TXNRD1: variants seen among roughly 807,000 people sequenced by gnomAD.
TXNRD1 encodes the protein thioredoxin reductase 1, cytoplasmic.
TXNRD1 carries 57 observed loss-of-function variants against 80.3 expected under a neutral mutation model. The ratio of observed to expected loss-of-function variants is 0.71; its 90% CI spans 0.57 to 0.89. The LOEUF (loss-of-function observed/expected upper bound fraction) is 0.89. Among genes scored for constraint, TXNRD1 ranks in the 40% least tolerant of loss-of-function variants. The pLI is 0.00. For missense variants in TXNRD1, 730 were observed against 803.0 expected (o/e 0.91, Z 1.10); for synonymous variants, 291 against 285.2 (o/e 1.02, Z -0.20).
intron 3 of TXNRD1, among the ~76,000 whole-genome samples, chr12:104,272,653 G>A (rs1009332349): frequency 2.0e-5 from 3 of 151,984 alleles, no homozygotes; most frequent in East Asian, 1.9e-4. Flanking sequence ...TTAGCTGGGC[G>A]TGGTGGCGGG....
At chr12:104,267,156 A>C (rs2033510783) in intron 3 of TXNRD1, among the ~76,000 whole-genome samples, 1 of 101,536 alleles carries the variant, frequency 9.8e-6, no homozygotes, top group African/African-American at 4.0e-5. Context: ...ACAGAGTGAG[A>C]CTCCCTCTCA....
chr12:104,246,882 T>C (rs1461000714), intron 1 of TXNRD1, among the ~76,000 whole-genome samples: 3 of 152,118 alleles, frequency 2.0e-5, no homozygotes, highest in Admixed American at 2.0e-4. Context: ...GTCTATCTAA[T>C]CTCTTTTACT....
chr12:104,315,752 A>C, intron 6 of TXNRD1, 25 bp from the exon 7 acceptor site: 1 of 1,604,344 alleles, frequency 6.2e-7, no homozygotes, highest in Non-Finnish European at 8.5e-7. Context: ...GCAGGTTATA[A>C]ACTGATTTCT....
At chr12:104,309,967 G>A (rs1055857017) in intron 4 of TXNRD1, 34 of 1,531,928 alleles carry the variant, frequency 2.2e-5, no homozygotes, top group Non-Finnish European at 2.8e-5. Context: ...ACAGTGCTGT[G>A]CTTCCTCCTT....
intron 1 of TXNRD1, among the ~76,000 whole-genome samples, chr12:104,239,194 ATTTT>A (rs34563849): frequency 7.2e-6 from 1 of 139,300 alleles, no homozygotes. Context: ...CTTTGTGGGA[ATTTT>A]TTTTTTTTTT....
chr12:104,287,036 C>G (rs998911863), intron 3 of TXNRD1: 1 of 1,387,168 alleles, frequency 7.2e-7, no homozygotes, highest in Non-Finnish European at 9.3e-7. Flanking sequence ...TTCTTCACTC[C>G]GGCATTTGCA....
Position 104,295,996 on chromosome 12 carries a change from G to A in TXNRD1, c.414+6956G>A, listed in dbSNP as rs568836828. Among the ~76,000 whole-genome samples the A allele has an allele frequency of 4.6e-5, 7 of 152,330 alleles. 1 individual carries two copies. Among genetic ancestry groups the A allele is most frequent in the African/African-American group, 1.4e-4 (6 of 41,564 alleles). ...GTGATTAAATCCCCACAACAGTCCT[G>A]TGAAGGAGGTGATATTATCCAGGTT... On this transcript the variant is annotated intron_variant, in intron 4 of 16. Transcript: ENST00000525566.
intron 4 of TXNRD1, among the ~76,000 whole-genome samples, chr12:104,296,538 A>C (rs565034966): frequency 2.0e-5 from 3 of 152,174 alleles, no homozygotes; most frequent in Non-Finnish European, 4.4e-5. Context: ...CCGCCTGAGT[A>C]TCTGGGAATA....
chr12:104,347,885 C>T (rs2135905805), intron 16 of TXNRD1, among the ~76,000 whole-genome samples: 1 of 151,844 alleles, frequency 6.6e-6, no homozygotes, highest in South Asian at 2.1e-4. Flanking sequence ...TTGCCATTTG[C>T]AGGTAAAGCT....
chr12:104,339,412 A>G (rs1018514927), intron 16 of TXNRD1, 139 bp downstream of exon 16: 2 of 1,254,870 alleles, frequency 1.6e-6, no homozygotes. Context: ...TCTAAAAATT[A>G]GTTTTTGTCT....
chr12:104,234,704 T>C (rs1201179324), intron 1 of TXNRD1, among the ~76,000 whole-genome samples: 1 of 148,678 alleles, frequency 6.7e-6, no homozygotes, highest in African/African-American at 2.5e-5. Context: ...CATGAAGGAA[T>C]GTTATGCTGC....
chr12:104,289,057 T>A lies in TXNRD1; in HGVS notation c.414+17T>A, dbSNP rs756659960. The A allele has an allele frequency of 1.2e-6, 2 of 1,606,400 alleles. No homozygotes were observed. On this transcript the variant is annotated intron_variant, in intron 4 of 16. Transcript: ENST00000525566. ...ACCTTGAAGGTAGGAGAGAGTAACG[T>A]ATCTTTTTAAACGGGGGATGAGCTC...
intron 1 of TXNRD1, among the ~76,000 whole-genome samples, chr12:104,244,763 T>C (rs1478652841): frequency 6.6e-6 from 1 of 152,206 alleles, no homozygotes; most frequent in African/African-American, 2.4e-5. Flanking sequence ...TTTTTTGCAA[T>C]AGCTAATGAT....
intron 1 of TXNRD1, chr12:104,224,957 C>T: frequency 2.2e-6 from 1 of 455,926 alleles, no homozygotes; most frequent in Admixed American, 2.4e-5. Flanking sequence ...CAGTGTATTT[C>T]CAATGTCCCA....
intron 1 of TXNRD1, among the ~76,000 whole-genome samples, chr12:104,230,592 T>G (rs1387269391): frequency 6.6e-6 from 1 of 152,232 alleles, no homozygotes; most frequent in African/African-American, 2.4e-5. Context: ...TATTTTCATG[T>G]GCTTACTGTT....
Position 104,349,149 on chromosome 12 carries a change from A to AT in TXNRD1, c.*731dup, listed in dbSNP as rs2135908360. The AT allele has an allele frequency of 6.6e-6, 1 of 152,370 alleles. No homozygotes were observed. The highest frequency in any genetic ancestry group is 2.4e-5 in the African/African-American group (1 of 41,580). 9.4% of individuals were successfully genotyped at this position (152,370 alleles called of 1,614,324 possible). On this transcript the variant is annotated 3_prime_UTR_variant, in exon 17 of 17. Transcript: ENST00000525566. ...GCTACTTGGCCAGCCATTGCCTGGC[A>AT]TTTGGTAGTATAGTATGATTCTCAC...
At chr12:104,253,595 T>C (rs1426248885) in intron 2 of TXNRD1, among the ~76,000 whole-genome samples, 3 of 152,174 alleles carry the variant, frequency 2.0e-5, no homozygotes, top group African/African-American at 7.2e-5. Context: ...GCAATTCTTA[T>C]CTGCTTTTGG....
At chr12:104,313,171 A>G in intron 5 of TXNRD1, 74 bp from the exon 6 acceptor site, 1 of 1,220,950 alleles carries the variant, frequency 8.2e-7, no homozygotes, top group Non-Finnish European at 1.2e-6. Flanking sequence ...AAAAAAAATC[A>G]TGGATTTTTA....
chr12:104,216,189 G>C (rs1303226964), intron 1 of TXNRD1, among the ~76,000 whole-genome samples: 1 of 152,262 alleles, frequency 6.6e-6, no homozygotes, highest in African/African-American at 2.4e-5. Context: ...AAACCGAACC[G>C]AGATCTCGGC....
Sources: allele counts gnomAD v4.1 joint callset (sites outside exome capture counted in the v4.1 genomes callset), GRCh38; gene constraint gnomAD v4.1.1; transcripts MANE v1.5; gene names NCBI Gene and HGNC (gene_info 2026-07-23, HGNC 2026-07-21).